Variants in ADAM12 observed in about 807,000 individuals in gnomAD.
ADAM12 encodes disintegrin and metalloproteinase domain-containing protein 12.
In ADAM12, 70 loss-of-function variants were observed where a neutral mutation model predicts 106.4. That is an observed-to-expected ratio of 0.66 (90% confidence interval 0.54 to 0.80). The LOEUF (loss-of-function observed/expected upper bound fraction) is 0.80, where lower values mean the gene tolerates loss of function less well. Among genes scored for constraint, ADAM12 ranks in the 30% least tolerant of loss-of-function variants. The pLI is 0.00. For missense variants in ADAM12, 1,010 were observed against 1,171.9 expected (o/e 0.86, Z 2.02); for synonymous variants, 420 against 433.5 (o/e 0.97, Z 0.39).
chr10:126,083,553 TCC>T (rs1955274290), intron 11 of ADAM12, among the ~76,000 whole-genome samples: 1 of 152,208 alleles, frequency 6.6e-6, no homozygotes, highest in African/African-American at 2.4e-5. Flanking sequence ...TACACTTCCT[TCC>T]AGGTGTACCT....
At chr10:126,121,619 C>T (rs560007023) in intron 5 of ADAM12, among the ~76,000 whole-genome samples, 32 of 150,010 alleles carry the variant, frequency 2.1e-4, no homozygotes, top group Non-Finnish European at 3.1e-4. Flanking sequence ...CATCAATCCT[C>T]GAGGAATAGC....
chr10:126,071,585 C>CA lies in ADAM12; in HGVS notation c.1214dup (p.Met405IlefsTer7), dbSNP rs1188705668. 1 of 1,614,198 alleles carries CA rather than the reference C, an allele frequency of 6.2e-7. No individual in the cohort carries two copies. The highest frequency in any genetic ancestry group is 1.1e-5 in the South Asian group (1 of 91,078). On this transcript the variant is annotated frameshift_variant, in exon 12 of 23. Transcript: ENST00000448723. LOFTEE classifies it high-confidence loss of function. ...CCGGCAGGTTAAACAGGCACACCCC[C>CA]ATTCCTTTCTCCAGGCTGGTCTCCA...
At chr10:126,307,545 C>CT (rs931386268) in intron 2 of ADAM12, among the ~76,000 whole-genome samples, 2 of 151,792 alleles carry the variant, frequency 1.3e-5, no homozygotes, top group African/African-American at 4.8e-5. Flanking sequence ...CTTTTCTTTT[C>CT]TTTTTTTTGA....
chr10:126,248,373 C>A (rs978701551), intron 3 of ADAM12, among the ~76,000 whole-genome samples: 2 of 152,140 alleles, frequency 1.3e-5, no homozygotes, highest in African/African-American at 2.4e-5. Context: ...TTTTGTCTCT[C>A]CTTAGGCTTC....
intron 3 of ADAM12, among the ~76,000 whole-genome samples, chr10:126,268,450 C>T (rs1441555441): frequency 9.2e-5 from 14 of 152,146 alleles, no homozygotes; most frequent in Non-Finnish European, 2.1e-4. Flanking sequence ...GTACAAATCT[C>T]TCTGTAAGTC....
chr10:126,108,589 T>C lies in ADAM12; in HGVS notation c.741+4A>G, dbSNP rs1396961743. 6.2e-7 allele frequency: 1 copy of C among 1,612,638 alleles called. No individual in the cohort carries two copies. Among genetic ancestry groups the C allele is most frequent in the Non-Finnish European group, 8.5e-7 (1 of 1,178,738 alleles). On this transcript the variant is annotated splice_donor_region_variant and intron_variant, in intron 8 of 22. Transcript: ENST00000448723. ...AATGATTTAACTACTGAAAAAGAAC[T>C]TACCTTGTCAACGTGATTAGCAATC... is the stretch of plus-strand genomic sequence containing the variant.
At chr10:126,035,992 A>C (rs1440172742) in intron 21 of ADAM12, among the ~76,000 whole-genome samples, 154 bp downstream of exon 21, 1 of 152,210 alleles carries the variant, frequency 6.6e-6, no homozygotes, top group Non-Finnish European at 1.5e-5. Context: ...TAACTGCTTT[A>C]TGTGGATTAT....
chr10:126,189,369 A>G (rs7100451), intron 3 of ADAM12, among the ~76,000 whole-genome samples: 42,609 of 152,064 alleles, frequency 0.28, 7,923 homozygotes, highest in East Asian at 0.52. Flanking sequence ...GACTGAGGCA[A>G]AAGGACCAGT....
Position 126,013,215 on chromosome 10 carries a change from A to T in ADAM12, c.*4064T>A, listed in dbSNP as rs1479979340. On this transcript the variant is annotated 3_prime_UTR_variant, in exon 23 of 23. Coordinates refer to ENST00000448723, the MANE Select transcript of ADAM12 (RefSeq NM_001288973.2). The surrounding 1 kb of genome is among the most constrained non-coding windows in gnomAD (Gnocchi z 4.3). ...AAAAGTAAAGGGGATTTTCTCTACA[A>T]AAGGAAAGAAAATGGCACATTCACA... 2.6e-5 allele frequency: 4 copies of T among 152,252 alleles called. No homozygotes were observed. Among genetic ancestry groups the T allele is most frequent in the Non-Finnish European group, 5.9e-5 (4 of 68,044 alleles). The allele number at this position is 152,252 out of a possible 1,614,324, so 9.4% of individuals were successfully genotyped here. A position where few individuals can be genotyped will look rare whatever the true frequency, so the allele number is the denominator to read the frequency against.
At chr10:126,213,120 T>G (rs562132352) in intron 3 of ADAM12, among the ~76,000 whole-genome samples, 1 of 152,260 alleles carries the variant, frequency 6.6e-6, no homozygotes, top group African/African-American at 2.4e-5. Flanking sequence ...AGATAATAAG[T>G]GCTCAATAAA....
At chr10:126,021,413 A>T (rs1953765035) in intron 21 of ADAM12, among the ~76,000 whole-genome samples, 1 of 152,200 alleles carries the variant, frequency 6.6e-6, no homozygotes. Context: ...TATAATCACC[A>T]TTTAACATAT....
At chr10:126,225,671 C>G (rs188531705) in intron 3 of ADAM12, among the ~76,000 whole-genome samples, 8 of 152,296 alleles carry the variant, frequency 5.3e-5, no homozygotes, top group African/African-American at 1.9e-4. Flanking sequence ...CTGACCTGGT[C>G]AGCCACTCCG....
intron 5 of ADAM12, chr10:126,135,325 C>G (rs1324784696): frequency 2.2e-6 from 1 of 451,520 alleles, no homozygotes; most frequent in Non-Finnish European, 3.9e-6. Flanking sequence ...GAAACTCAAC[C>G]AGTTCAGTCG....
At chr10:126,260,666 G>A (rs1958983677) in intron 3 of ADAM12, among the ~76,000 whole-genome samples, 2 of 152,174 alleles carry the variant, frequency 1.3e-5, no homozygotes, top group Admixed American at 6.5e-5. Context: ...GAGGGTGAGT[G>A]ATGACAGCCA....
intron 2 of ADAM12, among the ~76,000 whole-genome samples, chr10:126,315,256 T>A (rs764645133): frequency 1.3e-4 from 20 of 152,156 alleles, no homozygotes; most frequent in Non-Finnish European, 2.4e-4. Context: ...AAGACGTACG[T>A]TTCCACAGCT....
chr10:126,073,334 C>T (rs1230125731), intron 11 of ADAM12, among the ~76,000 whole-genome samples: 4 of 151,904 alleles, frequency 2.6e-5, no homozygotes, highest in South Asian at 4.2e-4. Context: ...GTGATCTGCC[C>T]GCCTCGGCCT....
chr10:126,172,192 T>C (rs1422038191), intron 3 of ADAM12, among the ~76,000 whole-genome samples: 1 of 152,198 alleles, frequency 6.6e-6, no homozygotes, highest in Non-Finnish European at 1.5e-5. Context: ...ACTGAGGCAA[T>C]GGATCCAACC....
chr10:126,293,300 G>C (rs1960234952), intron 2 of ADAM12, among the ~76,000 whole-genome samples: 1 of 152,168 alleles, frequency 6.6e-6, no homozygotes, highest in Non-Finnish European at 1.5e-5. Flanking sequence ...AAACTAACTA[G>C]AGGCCACCAA....
intron 3 of ADAM12, among the ~76,000 whole-genome samples, chr10:126,235,154 C>T (rs976041117): frequency 6.6e-6 from 1 of 152,214 alleles, no homozygotes; most frequent in Non-Finnish European, 1.5e-5. Flanking sequence ...AGGTTGGGGC[C>T]ACCCTGGAAG....
Sources: allele counts gnomAD v4.1 joint callset (sites outside exome capture counted in the v4.1 genomes callset), GRCh38; gene constraint gnomAD v4.1.1; non-coding constraint Gnocchi (gnomAD v3.1); transcripts MANE v1.5; gene names NCBI Gene and HGNC (gene_info 2026-07-23, HGNC 2026-07-21).